Variants in IL1RAPL1 observed in about 807,000 individuals in gnomAD.
The protein encoded by IL1RAPL1 is interleukin 1 receptor accessory protein like 1, also known as interleukin-1 receptor accessory protein-like 1.
Under a neutral mutation model 48.4 loss-of-function variants are expected in IL1RAPL1, and 3 were observed. The ratio of observed to expected loss-of-function variants is 0.06; its 90% CI spans 0.03 to 0.16. IL1RAPL1 has a LOEUF of 0.16. IL1RAPL1 is among the 10% of genes least tolerant of loss of function. The pLI is 1.00. For synonymous variants in IL1RAPL1, 185 were observed against 187.7 expected (o/e 0.99, Z 0.12); for missense variants, 349 against 530.6 (o/e 0.66, Z 3.36).
intron 5 of IL1RAPL1, among the ~76,000 whole-genome samples, chrX:29,540,667 A>G (rs988188870): frequency 9.0e-6 from 1 of 111,717 alleles, no homozygotes; most frequent in African/African-American, 3.3e-5. Flanking sequence ...GTTGACAAAA[A>G]TAAGCAATGG....
rs916812251 is a variant in IL1RAPL1 at position 29,232,952 on chromosome X, C to G, written c.83-49986C>G. The stretch of plus-strand genomic sequence containing the variant: ...GAGCTGGGGTTACAGGCACCCGCCA[C>G]CGCACCCAGCTAATTTTTATATTTT... On this transcript the variant is annotated intron_variant, in intron 2 of 10. Transcript: ENST00000378993. 2.7e-5 allele frequency among the ~76,000 whole-genome samples: 3 copies of G among 109,361 alleles called. No individual in the cohort carries two copies. The Admixed American group carries it at 2.9e-4, about 11-fold the overall frequency. The allele number at this position is 109,361 out of a possible 115,157, so 95.0% of individuals were successfully genotyped here. A position where few individuals can be genotyped will look rare whatever the true frequency, so the allele number is the denominator to read the frequency against.
chrX:29,394,517 C>T (rs1458564419), intron 3 of IL1RAPL1, among the ~76,000 whole-genome samples: 1 of 111,970 alleles, frequency 8.9e-6, no homozygotes, highest in Non-Finnish European at 1.9e-5. Flanking sequence ...TCAGATAACC[C>T]TTCTTAAAAT....
At chrX:28,839,932 A>G (rs1399646515) in intron 2 of IL1RAPL1, among the ~76,000 whole-genome samples, 10 of 110,698 alleles carry the variant, frequency 9.0e-5, no homozygotes, top group Non-Finnish European at 1.9e-4. Context: ...TTTAGAATAT[A>G]TAGTAGAGTT....
At chrX:29,103,967 A>G (rs774299400) in intron 2 of IL1RAPL1, among the ~76,000 whole-genome samples, 1 of 111,945 alleles carries the variant, frequency 8.9e-6, no homozygotes, top group South Asian at 3.7e-4. Context: ...AAAGACAGGC[A>G]ATAACAAATG....
At chrX:29,731,772 C>T (rs2147130808) in intron 6 of IL1RAPL1, among the ~76,000 whole-genome samples, 1 of 112,040 alleles carries the variant, frequency 8.9e-6, no homozygotes, top group African/African-American at 3.2e-5. Context: ...GCTTGAAAAA[C>T]ATTAAGCTGA....
At chrX:29,813,797 A>G (rs1209602346) in intron 6 of IL1RAPL1, among the ~76,000 whole-genome samples, 1 of 110,857 alleles carries the variant, frequency 9.0e-6, no homozygotes, top group Non-Finnish European at 1.9e-5. Context: ...TTATATCTAT[A>G]TGTACTCAAT....
intron 6 of IL1RAPL1, among the ~76,000 whole-genome samples, chrX:29,723,318 G>A (rs1409540603): frequency 8.9e-6 from 1 of 112,079 alleles, no homozygotes; most frequent in Admixed American, 9.4e-5. Flanking sequence ...GTGCGATCTC[G>A]GCTCACTGCA....
intron 2 of IL1RAPL1, among the ~76,000 whole-genome samples, chrX:29,165,584 G>A (rs924676624): frequency 2.7e-5 from 3 of 111,149 alleles, no homozygotes; most frequent in Non-Finnish European, 5.7e-5. Flanking sequence ...GAATCCTTCC[G>A]TGGAATAGAT....
intron 1 of IL1RAPL1, among the ~76,000 whole-genome samples, chrX:28,724,956 T>G (rs1448893502): frequency 1.1e-4 from 12 of 106,167 alleles, no homozygotes; most frequent in East Asian, 2.9e-4. Flanking sequence ...TTTGTTTTTT[T>G]TTTTTTTTTT....
intron 5 of IL1RAPL1, among the ~76,000 whole-genome samples, chrX:29,647,925 GAC>G (rs1441069811): frequency 9.0e-6 from 1 of 111,253 alleles, no homozygotes; most frequent in African/African-American, 3.3e-5. Flanking sequence ...TACTGGTAAG[GAC>G]ACACAGAGAC....
chrX:29,759,362 T>C (rs1028051561), intron 6 of IL1RAPL1, among the ~76,000 whole-genome samples: 58 of 111,987 alleles, frequency 5.2e-4, no homozygotes, highest in African/African-American at 1.6e-3. Flanking sequence ...GTTTTCAAAA[T>C]GGTTATTATT....
At chrX:29,473,653 C>T (rs1244658563) in intron 5 of IL1RAPL1, among the ~76,000 whole-genome samples, 1 of 98,105 alleles carries the variant, frequency 1.0e-5, no homozygotes, top group African/African-American at 3.8e-5. Flanking sequence ...TTCTGTTCAT[C>T]ATTCAGATTT....
chrX:29,483,238 A>T (rs977353758), intron 5 of IL1RAPL1, among the ~76,000 whole-genome samples: 2 of 112,065 alleles, frequency 1.8e-5, no homozygotes, highest in African/African-American at 6.5e-5. Context: ...CTGAAATTTC[A>T]TTCCAAAAAT....
At chrX:29,698,080 A>G (rs1926959478) in intron 6 of IL1RAPL1, among the ~76,000 whole-genome samples, 1 of 109,432 alleles carries the variant, frequency 9.1e-6, no homozygotes, top group Admixed American at 9.8e-5. Context: ...CTCTCATCCC[A>G]TCTTTTCTAA....
intron 6 of IL1RAPL1, among the ~76,000 whole-genome samples, chrX:29,766,069 G>A (rs1008756932): frequency 1.8e-5 from 2 of 108,550 alleles, no homozygotes; most frequent in African/African-American, 6.7e-5. Flanking sequence ...GGTGGCTCAC[G>A]ACTGTAATCC....
intron 6 of IL1RAPL1, among the ~76,000 whole-genome samples, chrX:29,854,548 G>A (rs899203531): frequency 9.0e-6 from 1 of 111,569 alleles, no homozygotes; most frequent in African/African-American, 3.3e-5. Flanking sequence ...AGGATTGGGG[G>A]CTGGTCTGGT....
At chrX:29,171,513 C>G (rs225456) in intron 2 of IL1RAPL1, among the ~76,000 whole-genome samples, 1 of 110,511 alleles carries the variant, frequency 9.0e-6, no homozygotes. Flanking sequence ...TAATATAAAA[C>G]GCTTAGTTGA....
At chrX:28,837,157 G>A (rs1279230549) in intron 2 of IL1RAPL1, among the ~76,000 whole-genome samples, 1 of 110,973 alleles carries the variant, frequency 9.0e-6, no homozygotes. Context: ...ACTAATATAG[G>A]CATTACCTCA....
At chrX:29,289,528 T>C (rs892650566) in intron 3 of IL1RAPL1, among the ~76,000 whole-genome samples, 2 of 112,351 alleles carry the variant, frequency 1.8e-5, no homozygotes, top group Non-Finnish European at 3.8e-5. Context: ...TATATGTCTT[T>C]TTAAAGATTG....
Sources: gnomAD v4.1 joint callset for allele counts (sites outside exome capture counted in the v4.1 genomes callset) on GRCh38, gnomAD v4.1.1 for gene constraint, MANE v1.5 for transcripts, NCBI Gene and HGNC (gene_info 2026-07-23, HGNC 2026-07-21) for gene names.